The following ELP3 variants were observed in gnomAD, a reference collection of about 807,000 sequenced individuals.
The protein encoded by ELP3 is elongator complex protein 3.
ELP3 carries 56 observed loss-of-function variants against 74.9 expected under a neutral mutation model. The ratio of observed to expected loss-of-function variants is 0.75; its 90% CI spans 0.60 to 0.93. The LOEUF (loss-of-function observed/expected upper bound fraction) is 0.93. Among genes scored for constraint, ELP3 ranks in the 40% least tolerant of loss-of-function variants. The pLI is 0.00. For synonymous variants in ELP3, 222 were observed against 239.8 expected, an observed-to-expected ratio of 0.93 and a Z score of 0.68; for missense variants, 573 against 686.5, an observed-to-expected ratio of 0.83 and a Z score of 1.85.
At chr8:28,172,892 T>C (rs999599825) in intron 14 of ELP3, among the ~76,000 whole-genome samples, 3 of 152,178 alleles carry the variant, frequency 2.0e-5, no homozygotes, top group African/African-American at 7.2e-5. Context: ...TTTGAGCTGA[T>C]TGTATGATTT....
intron 10 of ELP3, among the ~76,000 whole-genome samples, chr8:28,141,268 C>T (rs1344790546): frequency 6.6e-6 from 1 of 152,170 alleles, no homozygotes; most frequent in Non-Finnish European, 1.5e-5. Context: ...GGTATGAGAA[C>T]GTAGCATCAC....
chr8:28,141,254 A>G (rs1162907471), intron 10 of ELP3, among the ~76,000 whole-genome samples: 2 of 152,226 alleles, frequency 1.3e-5, no homozygotes, highest in East Asian at 1.9e-4. Flanking sequence ...GCTGCCTGAT[A>G]GAGGGTATGA....
At chr8:28,098,964 T>C (rs1811364385) in intron 2 of ELP3, among the ~76,000 whole-genome samples, 1 of 152,234 alleles carries the variant, frequency 6.6e-6, no homozygotes, top group African/African-American at 2.4e-5. Flanking sequence ...TTTTAATCAT[T>C]TATACATTAA....
At chr8:28,189,613 G>A (rs1815376869) in intron 14 of ELP3, 36 bp from the exon 15 acceptor site, 3 of 1,610,050 alleles carry the variant, frequency 1.9e-6, no homozygotes, top group African/African-American at 1.3e-5. Flanking sequence ...AATTGCTAAA[G>A]TGAATGCTCC....
In ELP3 at chr8:28,155,987, CCTGAGAGAG is replaced by C; in HGVS notation, c.1150_1158del (p.Arg384_Leu386del). On this transcript the variant is annotated inframe_deletion, in exon 11 of 15. Coordinates refer to ENST00000256398, the MANE Select transcript of ELP3 (RefSeq NM_018091.6). Reference sequence around the variant, plus strand: ...TTAGCTCAGGAGTAGAGCATGGTAACCTGAGAGAGCTGGCACTTGCAAGAATGAAAGACC... The same window carrying C: ...TTAGCTCAGGAGTAGAGCATGGTAACCTGGCACTTGCAAGAATGAAAGACC... 1 of 1,613,954 alleles carries C rather than the reference CCTGAGAGAG, an allele frequency of 6.2e-7. No individual in the cohort carries two copies. The highest frequency in any genetic ancestry group is 8.5e-7 in the Non-Finnish European group (1 of 1,179,886).
At chr8:28,165,598 C>G (rs551560742) in intron 14 of ELP3, among the ~76,000 whole-genome samples, 1 of 152,150 alleles carries the variant, frequency 6.6e-6, no homozygotes, top group East Asian at 1.9e-4. Flanking sequence ...AAGATAGAAT[C>G]ATTTATCATT....
rs149193033 is a variant in ELP3 at position 28,189,701 on chromosome 8, G to A, written c.1620G>A (p.Pro540=). The A allele has an allele frequency of 2.9e-5, 46 of 1,613,958 alleles. No homozygotes were observed. The Admixed American group carries it at 3.5e-4, about 12-fold the overall frequency. ...YRKIGYRLQG[P]YMVKMLK is the part of the protein sequence containing the mutation. ...AGATCGGCTACAGATTACAAGGCCC[G>A]TACATGGTGAAGATGCTGAAATAAT... The change falls in exon 15 of 15, where the codon CCG becomes CCA. Residue 540 remains proline (P), a synonymous_variant. Transcript: ENST00000256398.
intron 9 of ELP3, among the ~76,000 whole-genome samples, chr8:28,132,808 C>A (rs1175606908): frequency 1.3e-5 from 2 of 152,020 alleles, no homozygotes; most frequent in African/African-American, 4.8e-5. Context: ...ATATGTCATA[C>A]CTTGCTTAAA....
At chr8:28,165,580 G>A (rs1422014136) in intron 14 of ELP3, among the ~76,000 whole-genome samples, 2 of 152,192 alleles carry the variant, frequency 1.3e-5, no homozygotes, top group African/African-American at 2.4e-5. Context: ...GTAAGCTTGA[G>A]TAAGGGAAAG....
chr8:28,160,790 GTTCAAGTGA>G (rs71549632), intron 13 of ELP3, among the ~76,000 whole-genome samples: 76,095 of 151,334 alleles, frequency 0.5, 19,681 homozygotes, highest in African/African-American at 0.64. Flanking sequence ...CGCCTCCCTG[GTTCAAGTGA>G]TTCTCCTGCC....
chr8:28,140,322 G>T (rs779544735), intron 10 of ELP3, among the ~76,000 whole-genome samples: 2 of 151,912 alleles, frequency 1.3e-5, no homozygotes, highest in African/African-American at 2.4e-5. Context: ...GCCAAATCTG[G>T]GACAATTTGA....
At chr8:28,119,573 TA>T (rs1812276091) in intron 7 of ELP3, among the ~76,000 whole-genome samples, 40 of 186 alleles carry the variant, frequency 0.22, 1 homozygote, top group East Asian at 0.5. Flanking sequence ...TGTGGCGTTT[TA>T]TATATATATA....
At chr8:28,146,520 A>G (rs1044823412) in intron 10 of ELP3, among the ~76,000 whole-genome samples, 3 of 152,236 alleles carry the variant, frequency 2.0e-5, no homozygotes, top group African/African-American at 7.2e-5. Context: ...TCTTCAGGCC[A>G]AGAAAGTGGA....
intron 6 of ELP3, among the ~76,000 whole-genome samples, chr8:28,111,195 A>G (rs189602327): frequency 3.1e-4 from 47 of 152,366 alleles, no homozygotes; most frequent in African/African-American, 1.1e-3. Context: ...TGGTGGTTAC[A>G]TAACTCTAAA....
chr8:28,145,439 T>C (rs1056012001), intron 10 of ELP3, among the ~76,000 whole-genome samples: 1 of 152,228 alleles, frequency 6.6e-6, no homozygotes, highest in Admixed American at 6.5e-5. Flanking sequence ...TTAATAATTA[T>C]AGTTTATTTA....
chr8:28,115,141 C>A (rs748677531), intron 7 of ELP3, among the ~76,000 whole-genome samples: 14 of 152,028 alleles, frequency 9.2e-5, no homozygotes, highest in Non-Finnish European at 1.2e-4. Context: ...GGGAGAAAAT[C>A]AAGAGTTCTG....
chr8:28,143,546 T>C (rs1476721843), intron 10 of ELP3, among the ~76,000 whole-genome samples: 3 of 152,222 alleles, frequency 2.0e-5, no homozygotes, highest in African/African-American at 4.8e-5. Context: ...CATGTTCCAT[T>C]TCCTAAGGAT....
At chr8:28,145,169 G>A (rs1339806232) in intron 10 of ELP3, among the ~76,000 whole-genome samples, 1 of 152,226 alleles carries the variant, frequency 6.6e-6, no homozygotes, top group African/African-American at 2.4e-5. Flanking sequence ...AAGGCTGAGT[G>A]TTTATACAGC....
intron 1 of ELP3, among the ~76,000 whole-genome samples, chr8:28,095,322 T>A (rs1038544585): frequency 5.3e-5 from 8 of 152,216 alleles, no homozygotes; most frequent in African/African-American, 1.7e-4. Context: ...GCCGATCCCC[T>A]TTTACCCTCC....
Sources: gnomAD v4.1 joint callset for allele counts (sites outside exome capture counted in the v4.1 genomes callset) on GRCh38, gnomAD v4.1.1 for gene constraint, MANE v1.5 for transcripts, NCBI Gene and HGNC (gene_info 2026-07-23, HGNC 2026-07-21) for gene names.